Variants in BEND6 observed in about 807,000 individuals in gnomAD.
BEND6 encodes the protein BEN domain containing 6.
BEND6 carries 24 observed loss-of-function variants against 31.8 expected under a neutral mutation model. The observed-to-expected ratio is 0.75, with a 90% confidence interval of 0.55 to 1.06. BEND6 has a LOEUF of 1.06. Among genes scored for constraint, BEND6 ranks in the 50% least tolerant of loss-of-function variants. BEND6 has a pLI of 0.00. For synonymous variants in BEND6, 109 were observed against 114.6 expected (o/e 0.95, Z 0.31); for missense variants, 294 against 327.4 (o/e 0.90, Z 0.79).
chr6:56,965,703 T>TGC (rs1554285106), intron 1 of BEND6, among the ~76,000 whole-genome samples: 5 of 146,160 alleles, frequency 3.4e-5, no homozygotes, highest in African/African-American at 1.3e-4. Context: ...TATATATATA[T>TGC]GCGATATTAA....
intron 6 of BEND6, among the ~76,000 whole-genome samples, chr6:57,025,585 T>TA (rs922743948): frequency 1.3e-5 from 2 of 152,328 alleles, no homozygotes; most frequent in East Asian, 1.9e-4. Flanking sequence ...ACACACCTCT[T>TA]ACAGTGTAGT....
chr6:56,989,385 G>A (rs1262341006), intron 2 of BEND6, among the ~76,000 whole-genome samples: 1 of 151,978 alleles, frequency 6.6e-6, no homozygotes, highest in Non-Finnish European at 1.5e-5. Context: ...TGGGAATTTG[G>A]GCTGTTTTCA....
intron 3 of BEND6, chr6:57,008,250 C>T (rs1214306996): frequency 1.0e-5 from 7 of 702,652 alleles, no homozygotes; most frequent in African/African-American, 7.0e-5. Context: ...TACCTTGACT[C>T]ATCTCAGATA....
In BEND6 at chr6:56,995,222, TA is replaced by T. The variant is rs74342699; in HGVS notation, c.298+2680del. On this transcript the variant is annotated intron_variant, in intron 3 of 6. Coordinates refer to ENST00000370746, the MANE Select transcript of BEND6 (RefSeq NM_152731.3). Reference sequence around the variant, plus strand: ...CAAACATACTATTATTTCTCCCATTTAAAAAAAAAAAAACAAAAACCTCACT... The same window carrying T: ...CAAACATACTATTATTTCTCCCATTTAAAAAAAAAAAACAAAAACCTCACT... Among the ~76,000 whole-genome samples the T allele has an allele frequency of 7.9e-3, 1,136 of 143,044 alleles. 7 individuals carry two copies. The highest frequency in any genetic ancestry group is 0.014 in the African/African-American group (555 of 39,160). 93.8% of individuals were successfully genotyped at this position (143,044 alleles called of 152,430 possible).
intron 3 of BEND6, chr6:57,009,959 C>T (rs528863932): frequency 6.7e-6 from 1 of 148,964 alleles, no homozygotes; most frequent in Non-Finnish European, 1.5e-5. Context: ...ATAAGAGGAA[C>T]TTTCCCTTTG....
At chr6:56,992,338 G>A (rs1826535206) in intron 2 of BEND6, 40 bp from the exon 3 acceptor site, 3 of 1,553,134 alleles carry the variant, frequency 1.9e-6, no homozygotes, top group Middle Eastern at 1.7e-4. Context: ...CATTAAAGAT[G>A]CTATGAGGCT....
At chr6:56,981,467 G>T (rs1826065209) in intron 1 of BEND6, among the ~76,000 whole-genome samples, 2 of 152,220 alleles carry the variant, frequency 1.3e-5, no homozygotes, top group African/African-American at 2.4e-5. Flanking sequence ...TTATGAAAAA[G>T]TGTTACAATA....
intron 1 of BEND6, among the ~76,000 whole-genome samples, chr6:56,974,199 T>A (rs1186132300): frequency 6.6e-6 from 1 of 152,140 alleles, no homozygotes; most frequent in Non-Finnish European, 1.5e-5. Context: ...ATATGTGCGG[T>A]AATGTAAGTC....
chr6:56,997,754 G>A (rs944475703), intron 3 of BEND6, among the ~76,000 whole-genome samples: 5 of 152,126 alleles, frequency 3.3e-5, no homozygotes, highest in East Asian at 3.9e-4. Flanking sequence ...GAGGTTTCAC[G>A]CATTAGCCAG....
intron 6 of BEND6, among the ~76,000 whole-genome samples, chr6:57,025,748 A>G (rs1827880396): frequency 3.3e-5 from 5 of 152,166 alleles, no homozygotes; most frequent in Admixed American, 3.3e-4. Flanking sequence ...ATTATTGTGG[A>G]TAAGGAAGCC....
chr6:56,979,388 G>T (rs933054903), intron 1 of BEND6, among the ~76,000 whole-genome samples: 4 of 152,126 alleles, frequency 2.6e-5, no homozygotes, highest in Non-Finnish European at 5.9e-5. Flanking sequence ...CACTTTAAAT[G>T]GATGTACACA....
In BEND6 at chr6:56,992,375, T is replaced by G. The variant is rs754036433; in HGVS notation, c.121-3T>G. The G allele has an allele frequency of 6.2e-7, 1 of 1,600,278 alleles. No homozygotes were observed. On this transcript the variant is annotated splice_polypyrimidine_tract_variant and splice_region_variant and intron_variant, in intron 2 of 6. Coordinates refer to ENST00000370746, the MANE Select transcript of BEND6 (RefSeq NM_152731.3). Reference sequence around the variant, plus strand: ...CTTTTATTGTGCCTGCCTTCTATTTTAGAGAGACCCATATTCGGGAAATGC... The same window carrying G: ...CTTTTATTGTGCCTGCCTTCTATTTGAGAGAGACCCATATTCGGGAAATGC...
intron 3 of BEND6, among the ~76,000 whole-genome samples, chr6:56,999,606 G>GTCCTGAT (rs1826850241): frequency 6.6e-6 from 1 of 152,190 alleles, no homozygotes; most frequent in Admixed American, 6.5e-5. Context: ...CAGGAGACCT[G>GTCCTGAT]AAGGTGGACC....
chr6:57,010,680 A>T, intron 3 of BEND6: 1 of 925,062 alleles, frequency 1.1e-6, no homozygotes, highest in Non-Finnish European at 1.3e-6. Flanking sequence ...AAAATTTTCC[A>T]TTAAAAGTTT....
At chr6:56,974,115 G>A (rs1281915735) in intron 1 of BEND6, among the ~76,000 whole-genome samples, 1 of 152,210 alleles carries the variant, frequency 6.6e-6, no homozygotes, top group Non-Finnish European at 1.5e-5. Context: ...GTAGTTCACT[G>A]CAGGTAACTG....
rs140262848 is a variant in BEND6, at chr6:56,977,829, C to T, written c.-100-3882C>T. ...AAAATTAGCTGGGCATAGTGGCACA[C>T]GCCTGTAGTCCCAGCTATTAGGGAA... On this transcript the variant is annotated intron_variant, in intron 1 of 6. Coordinates refer to ENST00000370746, the MANE Select transcript of BEND6 (RefSeq NM_152731.3). Among the ~76,000 whole-genome samples the T allele has an allele frequency of 4.0e-3, 603 of 152,246 alleles. 7 individuals carry two copies. The highest frequency in any genetic ancestry group is 0.014 in the African/African-American group (578 of 41,546).
At chr6:57,021,630 T>G (rs1385374376) in intron 6 of BEND6, among the ~76,000 whole-genome samples, 1 of 152,222 alleles carries the variant, frequency 6.6e-6, no homozygotes, top group African/African-American at 2.4e-5. Flanking sequence ...TCTCCATTTT[T>G]TACTTCTTTC....
At chr6:56,970,423 C>A (rs956573434) in intron 1 of BEND6, among the ~76,000 whole-genome samples, 2 of 152,150 alleles carry the variant, frequency 1.3e-5, no homozygotes, top group East Asian at 1.9e-4. Context: ...GATCTGCCAA[C>A]CTTGGCCTCC....
chr6:57,023,581 C>T (rs895398675), intron 6 of BEND6, among the ~76,000 whole-genome samples: 5 of 152,160 alleles, frequency 3.3e-5, no homozygotes, highest in African/African-American at 1.2e-4. Context: ...CCATCCTATA[C>T]CTTTTAATTG....
Sources: gnomAD v4.1 joint callset for allele counts (sites outside exome capture counted in the v4.1 genomes callset) on GRCh38, gnomAD v4.1.1 for gene constraint, MANE v1.5 for transcripts, NCBI Gene and HGNC (gene_info 2026-07-23, HGNC 2026-07-21) for gene names.